The following SFI1 variants were observed in gnomAD, a reference collection of about 807,000 sequenced individuals.
SFI1 encodes the protein protein SFI1 homolog.
A neutral mutation model predicts 207.5 loss-of-function variants in SFI1; 195 were observed. That is an observed-to-expected ratio of 0.94 (90% CI 0.84 to 1.06). The LOEUF is 1.06. Among genes scored for constraint, SFI1 ranks in the 50% least tolerant of loss-of-function variants. The pLI is 0.00. For missense variants in SFI1, 1,634 were observed against 1,588.0 expected (o/e 1.03, Z -0.49); for synonymous variants, 630 against 598.9 (o/e 1.05, Z -0.76).
Position 31,607,936 on chromosome 22 carries a change from G to A in SFI1, c.2158-1G>A. The A allele has an allele frequency of 6.2e-7, 1 of 1,613,800 alleles. No homozygotes were observed. Among genetic ancestry groups the A allele is most frequent in the Non-Finnish European group, 8.5e-7 (1 of 1,179,756 alleles). ...TTGCTGTGCTCCTTGCCTGCCCATA[G>A]GTCCTGGTCCAGTGGCGGGAAGCTG... On this transcript the variant is annotated splice_acceptor_variant, in intron 21 of 32. Coordinates refer to ENST00000400288, the MANE Select transcript of SFI1 (RefSeq NM_001007467.3). LOFTEE classifies it high-confidence loss of function.
intron 6 of SFI1, among the ~76,000 whole-genome samples, chr22:31,555,727 G>C (rs1002411676): frequency 6.6e-6 from 1 of 152,208 alleles, no homozygotes; most frequent in African/African-American, 2.4e-5. Flanking sequence ...GAAAGGGCCA[G>C]TAAGTCTGGC....
intron 2 of SFI1, among the ~76,000 whole-genome samples, chr22:31,518,100 C>T (rs2056769929): frequency 6.6e-6 from 1 of 152,202 alleles, no homozygotes; most frequent in Non-Finnish European, 1.5e-5. Context: ...CATTCTCCTG[C>T]CTCAGCCCCC....
intron 8 of SFI1, among the ~76,000 whole-genome samples, chr22:31,572,280 G>C (rs541669063): frequency 6.6e-6 from 1 of 152,268 alleles, no homozygotes; most frequent in East Asian, 1.9e-4. Context: ...TGTCTAAGTC[G>C]TCTTCAGATT....
In SFI1 at chr22:31,602,677, G is replaced by T; in HGVS notation, c.1697G>T (p.Arg566Leu). Reference sequence around the variant, plus strand: ...ATGTGGCACCAGCAGGCAGCAGCACGTCACCAGGAGCAGGAGTGGCAAACA... The same window carrying T: ...ATGTGGCACCAGCAGGCAGCAGCACTTCACCAGGAGCAGGAGTGGCAAACA... The part of the protein sequence containing the change: ...WFMWHQQAAA[R>L]HQEQEWQTVA... The change falls in exon 17 of 33, where the codon CGT (arginine) becomes CTT (leucine). Residue 566 changes from arginine (R) to leucine (L), a missense_variant. Transcript: ENST00000400288. The T allele has an allele frequency of 6.2e-7, 1 of 1,614,238 alleles. No homozygotes were observed. Among genetic ancestry groups the T allele is most frequent in the Non-Finnish European group, 8.5e-7 (1 of 1,180,054 alleles).
At chr22:31,541,829 A>G (rs1019003099) in intron 4 of SFI1, among the ~76,000 whole-genome samples, 13 of 149,744 alleles carry the variant, frequency 8.7e-5, no homozygotes, top group African/African-American at 3.2e-4. Flanking sequence ...TAGGCTGGGC[A>G]TAGTGGCTCA....
chr22:31,607,222 TC>T (rs1177955603), intron 21 of SFI1, among the ~76,000 whole-genome samples: 1 of 152,090 alleles, frequency 6.6e-6, no homozygotes, highest in Non-Finnish European at 1.5e-5. Flanking sequence ...CACCAGGCAT[TC>T]CCTGGGCAAG....
intron 2 of SFI1, among the ~76,000 whole-genome samples, chr22:31,523,621 A>G (rs916368385): frequency 6.6e-6 from 1 of 152,174 alleles, no homozygotes; most frequent in African/African-American, 2.4e-5. Context: ...ATTTCCATTT[A>G]CAGGGGAGGA....
In SFI1 at chr22:31,508,363, A is replaced by G; in HGVS notation, c.79A>G (p.Lys27Glu). The change falls in exon 2 of 33, where the codon AAG (lysine) becomes GAG (glutamate). Residue 27 changes from lysine (K) to glutamate (E), a missense_variant. Coordinates refer to ENST00000400288, the MANE Select transcript of SFI1 (RefSeq NM_001007467.3). ...AGTGATTAAGCAGAGAATGGAGAAGAAGGTTGATTCCAGGTGAGTGATGGG... is the reference window on the plus strand; with the variant it reads ...AGTGATTAAGCAGAGAATGGAGAAGGAGGTTGATTCCAGGTGAGTGATGGG... ...QKVIKQRMEK[K>E]VDSRYFKDGA... 6.2e-7 allele frequency: 1 copy of G among 1,612,128 alleles called. No homozygotes were observed. Among genetic ancestry groups the G allele is most frequent in the Non-Finnish European group, 8.5e-7 (1 of 1,178,692 alleles).
rs1390754938 is a variant in SFI1, at chr22:31,573,093, C to G, written c.801C>G (p.Val267=). The change falls in exon 9 of 33, where the codon GTC becomes GTG. Residue 267 remains valine, a synonymous_variant. Transcript: ENST00000400288. ...AGTGGCGGGAACAGCTCCTGTATGT[C>G]CAGAAGGAGAAACAAAAGGTTGTCT... is the stretch of plus-strand genomic sequence containing the variant. ...WSQWREQLLY[V]QKEKQKVVSA... The G allele has an allele frequency of 1.9e-6, 3 of 1,612,704 alleles. No homozygotes were observed. Among genetic ancestry groups the G allele is most frequent in the Non-Finnish European group, 2.5e-6 (3 of 1,179,676 alleles).
At chr22:31,528,951 C>T (rs993688755) in intron 3 of SFI1, 88 bp downstream of exon 3, 2 of 1,336,144 alleles carry the variant, frequency 1.5e-6, no homozygotes, top group Admixed American at 4.2e-5. Flanking sequence ...CTTATTCTTC[C>T]ACCGCAATTA....
intron 11 of SFI1, 84 bp from the exon 12 acceptor site, chr22:31,580,188 G>A (rs982872447): frequency 7.2e-6 from 7 of 977,884 alleles, no homozygotes; most frequent in Non-Finnish European, 9.5e-6. Context: ...CTGATTTGAG[G>A]CACTGTTTGC....
At chr22:31,590,941 A>G (rs1022478690) in intron 15 of SFI1, among the ~76,000 whole-genome samples, 27 of 147,694 alleles carry the variant, frequency 1.8e-4, no homozygotes, top group African/African-American at 6.8e-4. Context: ...CTATATTCCA[A>G]CTTTTTTCTT....
intron 4 of SFI1, among the ~76,000 whole-genome samples, chr22:31,545,855 A>C (rs960030596): frequency 1.4e-5 from 2 of 140,020 alleles, no homozygotes; most frequent in African/African-American, 2.7e-5. Flanking sequence ...CTGGGATTGC[A>C]GGTGTGAGCC....
chr22:31,570,903 G>A (rs944244776), intron 8 of SFI1, among the ~76,000 whole-genome samples: 8 of 152,344 alleles, frequency 5.3e-5, no homozygotes, highest in African/African-American at 1.9e-4. Context: ...GGAAGGCTTT[G>A]TCAGACACTT....
intron 1 of SFI1, among the ~76,000 whole-genome samples, chr22:31,501,052 C>T (rs2053678697): frequency 6.6e-6 from 1 of 152,048 alleles, no homozygotes; most frequent in African/African-American, 2.4e-5. Flanking sequence ...CCACCTTGGC[C>T]TCCCAAAGTG....
intron 25 of SFI1, 29 bp downstream of exon 25, chr22:31,613,245 C>T: frequency 1.9e-6 from 3 of 1,613,238 alleles, no homozygotes; most frequent in Non-Finnish European, 2.5e-6. Context: ...CCTACCATCC[C>T]TGCCTCTCCC....
chr22:31,545,369 A>G (rs975587691), intron 4 of SFI1, among the ~76,000 whole-genome samples: 1 of 151,724 alleles, frequency 6.6e-6, no homozygotes, highest in Non-Finnish European at 1.5e-5. Flanking sequence ...CCGTCTCAAA[A>G]AAAAAAGAAA....
chr22:31,582,202 C>T (rs1458661149), intron 12 of SFI1, among the ~76,000 whole-genome samples: 1 of 42,462 alleles, frequency 2.4e-5, no homozygotes, highest in Non-Finnish European at 4.0e-5. Flanking sequence ...TTCTTTATTA[C>T]ATTTTATATA....
chr22:31,611,956 C>A, intron 24 of SFI1, 116 bp downstream of exon 24: 1 of 1,467,224 alleles, frequency 6.8e-7, no homozygotes, highest in South Asian at 1.4e-5. Context: ...TACTATCACC[C>A]TCCCCAGGGC....
Sources: gnomAD v4.1 joint callset for allele counts (sites outside exome capture counted in the v4.1 genomes callset) on GRCh38, gnomAD v4.1.1 for gene constraint, MANE v1.5 for transcripts, NCBI Gene and HGNC (gene_info 2026-07-23, HGNC 2026-07-21) for gene names.